SNED1: variants seen among roughly 807,000 people sequenced by gnomAD.
The protein encoded by SNED1 is sushi, nidogen and EGF-like domain-containing protein 1.
In SNED1, 81 loss-of-function variants were observed where a neutral mutation model predicts 166.7. That is an observed-to-expected ratio of 0.49 (90% confidence interval 0.41 to 0.58). SNED1 has a LOEUF of 0.58. SNED1 is among the 20% of genes least tolerant of loss of function. The pLI, the probability that SNED1 is intolerant of heterozygous loss-of-function variation, is 0.00. For synonymous variants in SNED1, 762 were observed against 822.0 expected, an observed-to-expected ratio of 0.93 and a Z score of 1.25; for missense variants, 1,604 against 2,000.2, an observed-to-expected ratio of 0.80 and a Z score of 3.78.
rs6710220 is a variant in SNED1 at position 241,065,217 on chromosome 2, G to C, written c.2714-82G>C. On this transcript the variant is annotated intron_variant, in intron 20 of 31. Transcript: ENST00000310397. ...TGTGTCAGGCCCAAGAGCCAGACCC[G>C]GCTGAGCCGCCGACGGGAGCCAGGC... The C allele has an allele frequency of 4.1e-6, 6 of 1,465,706 alleles. No individual in the cohort carries two copies. In the African/African-American group the frequency reaches 7.0e-5, roughly 17 times the overall value. The allele number at this position is 1,465,706 out of a possible 1,614,324, so 90.8% of individuals were successfully genotyped here.
At chr2:241,010,543 G>A (rs1437634843) in intron 1 of SNED1, 1 of 152,432 alleles carries the variant, frequency 6.6e-6, no homozygotes, top group African/African-American at 2.4e-5. Flanking sequence ...ATGTGGCCTG[G>A]GGCCTCCCCA....
At chr2:241,046,423 G>A (rs2061648775) in intron 8 of SNED1, among the ~76,000 whole-genome samples, 1 of 152,164 alleles carries the variant, frequency 6.6e-6, no homozygotes, top group South Asian at 2.1e-4. Context: ...TGGGTGAATG[G>A]ATAGACAAAT....
rs937015258 is a variant in SNED1 at position 241,090,093 on chromosome 2, C to G, written c.*2-1545C>G. On this transcript the variant is annotated intron_variant, in intron 31 of 31. Transcript: ENST00000310397. The stretch of plus-strand genomic sequence containing the variant: ...CTTACTGTAACTTTTTTACTTTATA[C>G]ATTTTTAATTTTTACTTTTTAACTC... 9 of 1,505,946 alleles carry G rather than the reference C, an allele frequency of 6.0e-6. No homozygotes were observed. In the African/African-American group the frequency reaches 9.9e-5, roughly 17 times the overall value. The allele number at this position is 1,505,946 out of a possible 1,614,324, so 93.3% of individuals were successfully genotyped here. A position where few individuals can be genotyped will look rare whatever the true frequency, so the allele number is the denominator to read the frequency against.
intron 1 of SNED1, among the ~76,000 whole-genome samples, chr2:241,001,296 A>C (rs917088457): frequency 3.8e-4 from 58 of 152,242 alleles, no homozygotes; most frequent in African/African-American, 1.4e-3. Flanking sequence ...ACAGGTAGAA[A>C]TTAGAAGTGC....
At chr2:241,021,549 G>T (rs2060774721) in intron 1 of SNED1, among the ~76,000 whole-genome samples, 1 of 151,950 alleles carries the variant, frequency 6.6e-6, no homozygotes, top group African/African-American at 2.4e-5. Context: ...TAGTCTTTTG[G>T]GACTGGCTTC....
At chr2:241,055,543 G>A (rs1023720259) in intron 16 of SNED1, among the ~76,000 whole-genome samples, 3 of 152,178 alleles carry the variant, frequency 2.0e-5, no homozygotes, top group Non-Finnish European at 2.9e-5. Context: ...AATGTTAAAG[G>A]AACATCATGA....
At chr2:241,038,073 C>A (rs2061427432) in intron 6 of SNED1, among the ~76,000 whole-genome samples, 1 of 151,786 alleles carries the variant, frequency 6.6e-6, no homozygotes, top group Non-Finnish European at 1.5e-5. Flanking sequence ...AGGTGGACCC[C>A]CCCCCAATTC....
chr2:241,072,923 G>A (rs1167570709), intron 26 of SNED1: 4 of 343,630 alleles, frequency 1.2e-5, no homozygotes, highest in Non-Finnish European at 2.1e-5. Context: ...AAGCAGGGGT[G>A]GAAGGAGAGG....
Position 241,073,121 on chromosome 2 carries a change from C to G in SNED1, c.3818-145C>G. On this transcript the variant is annotated intron_variant, in intron 26 of 31. Coordinates refer to ENST00000310397, the MANE Select transcript of SNED1 (RefSeq NM_001080437.3). This position sits in a 1 kb window ranked among gnomAD's most constrained non-coding sequence, Gnocchi z 6.6. ...TCAGGGGAGGCAGCTCTGGGGCCGA[C>G]AGGTGCTGGGGCCACGCAGGGAGCC... is the stretch of plus-strand genomic sequence containing the variant. 1.6e-6 allele frequency: 1 copy of G among 617,414 alleles called. No individual in the cohort carries two copies. The highest frequency in any genetic ancestry group is 2.8e-6 in the Non-Finnish European group (1 of 352,286). 38.2% of individuals were successfully genotyped at this position (617,414 alleles called of 1,614,324 possible). A position where few individuals can be genotyped will look rare whatever the true frequency, so the allele number is the denominator to read the frequency against.
rs1195705360 is a variant in SNED1, at chr2:241,073,508, C to T, written c.3916+144C>T. The T allele has an allele frequency of 1.3e-5, 9 of 708,252 alleles. No individual in the cohort carries two copies. The highest frequency in any genetic ancestry group is 3.5e-5 in the African/African-American group (2 of 56,826). The allele number at this position is 708,252 out of a possible 1,614,324, so 43.9% of individuals were successfully genotyped here. On this transcript the variant is annotated intron_variant, in intron 27 of 31. Transcript: ENST00000310397. This position sits in a 1 kb window ranked among gnomAD's most constrained non-coding sequence, Gnocchi z 6.6. ...AGGGGAGGCTGAGCACCAGGCACCC[C>T]GGTGTGGGAAGATGGGGTGAAGCTA...
At position 241,091,468 on chromosome 2, in the gene SNED1, C is replaced by A. The variant is rs1029208346; in HGVS notation, c.*2-170C>A. 2.0e-5 allele frequency among the ~76,000 whole-genome samples: 3 copies of A among 152,140 alleles called. No individual in the cohort carries two copies. Among genetic ancestry groups the A allele is most frequent in the African/African-American group, 7.3e-5 (3 of 41,370 alleles). On this transcript the variant is annotated intron_variant, in intron 31 of 31. Transcript: ENST00000310397. This position sits in a 1 kb window ranked among gnomAD's most constrained non-coding sequence, Gnocchi z 4.1. ...TCCTGGTGCTCTAAGAACGCGGGGT[C>A]CTCCCCGTGTGCACTGCCATATGGT... is the stretch of plus-strand genomic sequence containing the variant.
chr2:241,017,804 G>GC (rs1377273380), intron 1 of SNED1, among the ~76,000 whole-genome samples: 14 of 152,212 alleles, frequency 9.2e-5, no homozygotes, highest in Non-Finnish European at 5.9e-5. Flanking sequence ...ATCCTGCAGA[G>GC]CCCCGTAGGT....
chr2:241,052,324 C>A, intron 14 of SNED1, 31 bp from the exon 15 acceptor site: 1 of 1,540,878 alleles, frequency 6.5e-7, no homozygotes, highest in Non-Finnish European at 8.8e-7. Flanking sequence ...AGGGAAGACA[C>A]AGTGGCCAGG....
chr2:241,009,368 G>A (rs2060317170), intron 1 of SNED1, among the ~76,000 whole-genome samples: 1 of 152,190 alleles, frequency 6.6e-6, no homozygotes, highest in South Asian at 2.1e-4. Context: ...CACACCCTGG[G>A]GCCTCTAGGG....
At chr2:241,032,238 T>C (rs886181764) in intron 2 of SNED1, among the ~76,000 whole-genome samples, 1 of 151,464 alleles carries the variant, frequency 6.6e-6, no homozygotes, top group Non-Finnish European at 1.5e-5. Context: ...TAATCCCAGC[T>C]ACTCGGGAGG....
At chr2:241,074,126 C>T (rs535636754) in intron 27 of SNED1, 1 of 152,324 alleles carries the variant, frequency 6.6e-6, no homozygotes, top group Non-Finnish European at 1.5e-5. Context: ...CTCAACCCAA[C>T]CCCAAAGAAG....
rs1028937262 is a variant in SNED1 at position 241,013,632 on chromosome 2, C to T, written c.213+14582C>T. The stretch of plus-strand genomic sequence containing the variant: ...TGGGGGTTATAGGCGTGAACCACCA[C>T]ACCTGGCTGAGTTCAGCTATTTTAG... On this transcript the variant is annotated intron_variant, in intron 1 of 31. Transcript: ENST00000310397. The surrounding 1 kb of genome is among the most constrained non-coding windows in gnomAD (Gnocchi z 4.6). 3.3e-5 allele frequency among the ~76,000 whole-genome samples: 5 copies of T among 152,134 alleles called. No homozygotes were observed. Among genetic ancestry groups the T allele is most frequent in the African/African-American group, 7.2e-5 (3 of 41,412 alleles).
chr2:241,048,430 C>A lies in SNED1; in HGVS notation c.1389C>A (p.Asp463Glu). 1.9e-6 allele frequency: 3 copies of A among 1,604,892 alleles called. No individual in the cohort carries two copies. The highest frequency in any genetic ancestry group is 2.6e-6 in the Non-Finnish European group (3 of 1,176,142). The change falls in exon 9 of 32, where the codon GAC (aspartate) becomes GAA (glutamate). Residue 463 changes from aspartate (D) to glutamate (E), a missense_variant. Physicochemically the swap from Asp to Glu is conservative, Grantham distance 45. Transcript: ENST00000310397. ...CECPEGFMGLDCRERVPDDCE... is the reference protein window; with the variant it reads ...CECPEGFMGLECRERVPDDCE... Reference sequence around the variant, plus strand: ...GCCCCGAAGGCTTCATGGGCCTGGACTGCAGGGAGAGTGCGTCTGGGCTGC... The same window carrying A: ...GCCCCGAAGGCTTCATGGGCCTGGAATGCAGGGAGAGTGCGTCTGGGCTGC...
chr2:241,075,791 T>C lies in SNED1; in HGVS notation c.3916+2427T>C, dbSNP rs1334551225. ...CACACCAAAGTTAGAAAGTTATTCA[T>C]GTATATTTTTTTCACAAAGATGTAA... On this transcript the variant is annotated intron_variant, in intron 27 of 31. Coordinates refer to ENST00000310397, the MANE Select transcript of SNED1 (RefSeq NM_001080437.3). This position sits in a 1 kb window ranked among gnomAD's most constrained non-coding sequence, Gnocchi z 4.8. The C allele has an allele frequency of 1.3e-5, 2 of 152,214 alleles. No individual in the cohort carries two copies. The highest frequency in any genetic ancestry group is 2.9e-5 in the Non-Finnish European group (2 of 68,048). The allele number at this position is 152,214 out of a possible 1,614,324, so 9.4% of individuals were successfully genotyped here.
Sources: allele counts gnomAD v4.1 joint callset (sites outside exome capture counted in the v4.1 genomes callset), GRCh38; gene constraint gnomAD v4.1.1; non-coding constraint Gnocchi (gnomAD v3.1); transcripts MANE v1.5; gene names NCBI Gene and HGNC (gene_info 2026-07-23, HGNC 2026-07-21).